The following RORA variants were observed in gnomAD, a reference collection of about 807,000 sequenced individuals.
RORA encodes the protein RAR related orphan receptor A.
A neutral mutation model predicts 69.5 loss-of-function variants in RORA; 7 were observed. The ratio of observed to expected loss-of-function variants is 0.10; its 90% CI spans 0.06 to 0.19. The LOEUF is 0.19. Among genes scored for constraint, RORA ranks in the 10% least tolerant of loss-of-function variants. The pLI is 1.00. For synonymous variants in RORA, 261 were observed against 240.8 expected, an observed-to-expected ratio of 1.08 and a Z score of -0.78; for missense variants, 457 against 663.0, an observed-to-expected ratio of 0.69 and a Z score of 3.41.
intron 1 of RORA, among the ~76,000 whole-genome samples, chr15:60,837,966 C>T (rs899848713): frequency 2.0e-5 from 3 of 152,082 alleles, no homozygotes; most frequent in Non-Finnish European, 4.4e-5. Context: ...GAGAAAACGT[C>T]TGAAAATACT....
chr15:60,783,240 T>C (rs1369054323), intron 1 of RORA, among the ~76,000 whole-genome samples: 1 of 152,206 alleles, frequency 6.6e-6, no homozygotes, highest in Non-Finnish European at 1.5e-5. Flanking sequence ...TTATCTTTTT[T>C]TTAATATACC....
At chr15:60,603,450 C>A (rs1415636510) in intron 2 of RORA, among the ~76,000 whole-genome samples, 1 of 152,200 alleles carries the variant, frequency 6.6e-6, no homozygotes, top group African/African-American at 2.4e-5. Flanking sequence ...TTTATCCATT[C>A]ATTGCTGATT....
chr15:60,685,317 C>T (rs1281048551), intron 1 of RORA, among the ~76,000 whole-genome samples: 1 of 152,214 alleles, frequency 6.6e-6, no homozygotes, highest in Non-Finnish European at 1.5e-5. Flanking sequence ...TTTTTGACTT[C>T]CTCATTGTGA....
intron 1 of RORA, among the ~76,000 whole-genome samples, chr15:61,119,485 T>TC (rs1440724142): frequency 4.6e-5 from 7 of 151,420 alleles, no homozygotes; most frequent in Admixed American, 4.0e-4. Context: ...TTTTATTTTT[T>TC]CCCCCCAGAG....
At chr15:60,932,439 C>G (rs1892401085) in intron 1 of RORA, among the ~76,000 whole-genome samples, 1 of 152,164 alleles carries the variant, frequency 6.6e-6, no homozygotes, top group Non-Finnish European at 1.5e-5. Context: ...AAACTGAGAT[C>G]TCCCTAAGAT....
chr15:61,134,608 A>G (rs1356124210), intron 1 of RORA, among the ~76,000 whole-genome samples: 1 of 152,228 alleles, frequency 6.6e-6, no homozygotes, highest in Admixed American at 6.5e-5. Context: ...ATAATAATAC[A>G]AAACTATGCA....
Position 60,755,590 on chromosome 15 carries a change from C to T in RORA, c.167-76904G>A, listed in dbSNP as rs1029020586. ...CTTTCACAATGGTTGAACTAGTTTACAGTCCCACCAACAGTGTAAAAGTGT... is the reference window on the plus strand; with the variant it reads ...CTTTCACAATGGTTGAACTAGTTTATAGTCCCACCAACAGTGTAAAAGTGT... On this transcript the variant is annotated intron_variant, in intron 1 of 10. Transcript: ENST00000335670. Among the ~76,000 whole-genome samples the T allele has an allele frequency of 2.6e-5, 4 of 152,130 alleles. No homozygotes were observed. The South Asian group carries it at 6.2e-4, about 24-fold the overall frequency.
chr15:60,905,187 C>T lies in RORA; in HGVS notation c.167-226501G>A, dbSNP rs1183794133. 6.6e-6 allele frequency among the ~76,000 whole-genome samples: 1 copy of T among 152,152 alleles called. No individual in the cohort carries two copies. Among genetic ancestry groups the T allele is most frequent in the African/African-American group, 2.4e-5 (1 of 41,410 alleles). Reference sequence around the variant, plus strand: ...TCTTTTAATTGATATGCAGTCTTAGCCCTGTTATCATCTCTGATCTTGACC... The same window carrying T: ...TCTTTTAATTGATATGCAGTCTTAGTCCTGTTATCATCTCTGATCTTGACC... On this transcript the variant is annotated intron_variant, in intron 1 of 10. Coordinates refer to ENST00000335670, the MANE Select transcript of RORA (RefSeq NM_134261.3). This position sits in a 1 kb window ranked among gnomAD's most constrained non-coding sequence, Gnocchi z 4.8.
intron 2 of RORA, among the ~76,000 whole-genome samples, chr15:60,584,348 T>A (rs567068967): frequency 6.6e-6 from 1 of 152,362 alleles, no homozygotes; most frequent in South Asian, 2.1e-4. Context: ...GCAAATCATG[T>A]TCATCCATAA....
Position 61,204,100 on chromosome 15 carries a change from C to T in RORA, c.166+24953G>A, listed in dbSNP as rs933400753. Among the ~76,000 whole-genome samples, 3 of 152,168 alleles carry T rather than the reference C, an allele frequency of 2.0e-5. No homozygotes were observed. The South Asian group carries it at 6.2e-4, about 32-fold the overall frequency. On this transcript the variant is annotated intron_variant, in intron 1 of 10. Transcript: ENST00000335670. Reference sequence around the variant, plus strand: ...TGTGAATTCAGGTGAGTTGTGAGCGCTGTAATGCAGAAAATACAGGTGCTC... The same window carrying T: ...TGTGAATTCAGGTGAGTTGTGAGCGTTGTAATGCAGAAAATACAGGTGCTC...
intron 1 of RORA, among the ~76,000 whole-genome samples, chr15:60,773,271 C>G (rs917526049): frequency 6.6e-6 from 1 of 152,146 alleles, no homozygotes; most frequent in Non-Finnish European, 1.5e-5. Flanking sequence ...TCTTTATATA[C>G]TCGGTGCTGG....
chr15:60,722,113 T>A (rs2071301395), intron 1 of RORA, among the ~76,000 whole-genome samples: 1 of 152,256 alleles, frequency 6.6e-6, no homozygotes, highest in Non-Finnish European at 1.5e-5. Flanking sequence ...TCAGTTCACA[T>A]TATCATTATT....
At chr15:60,749,894 G>A (rs751468115) in intron 1 of RORA, among the ~76,000 whole-genome samples, 3 of 152,096 alleles carry the variant, frequency 2.0e-5, no homozygotes, top group Non-Finnish European at 4.4e-5. Flanking sequence ...GTCTGACGTG[G>A]TAGTGTGCGC....
intron 1 of RORA, among the ~76,000 whole-genome samples, chr15:60,739,816 G>A (rs1357711168): frequency 3.3e-5 from 5 of 152,138 alleles, no homozygotes; most frequent in South Asian, 2.1e-4. Context: ...GGAAGGAAAC[G>A]ATTTCTTTTT....
chr15:60,535,689 A>G (rs922075620), intron 2 of RORA, among the ~76,000 whole-genome samples: 1 of 152,198 alleles, frequency 6.6e-6, no homozygotes, highest in African/African-American at 2.4e-5. Context: ...CCATTTTCCC[A>G]AAGAATTAAA....
chr15:61,161,849 A>T (rs1188662780), intron 1 of RORA, among the ~76,000 whole-genome samples: 1 of 152,162 alleles, frequency 6.6e-6, no homozygotes, highest in Non-Finnish European at 1.5e-5. Context: ...GGTCCAAATA[A>T]AAATACAATG....
chr15:60,517,914 T>G (rs1431240451), intron 3 of RORA, among the ~76,000 whole-genome samples: 1 of 152,226 alleles, frequency 6.6e-6, no homozygotes, highest in Non-Finnish European at 1.5e-5. Context: ...GCCATGCTAT[T>G]TCCTAGATAT....
At chr15:60,675,581 C>A (rs1377417636) in intron 2 of RORA, among the ~76,000 whole-genome samples, 1 of 152,150 alleles carries the variant, frequency 6.6e-6, no homozygotes, top group Non-Finnish European at 1.5e-5. Flanking sequence ...CTTAAGGTAC[C>A]CTTCTCAGAA....
intron 1 of RORA, among the ~76,000 whole-genome samples, chr15:60,814,688 T>C (rs1304175331): frequency 6.6e-6 from 1 of 152,196 alleles, no homozygotes; most frequent in South Asian, 2.1e-4. Context: ...GTGGCCTCTC[T>C]GTCCTTCCAT....
Sources: allele counts gnomAD v4.1 joint callset (sites outside exome capture counted in the v4.1 genomes callset), GRCh38; gene constraint gnomAD v4.1.1; non-coding constraint Gnocchi (gnomAD v3.1); transcripts MANE v1.5; gene names NCBI Gene and HGNC (gene_info 2026-07-23, HGNC 2026-07-21).